Variants in KIF26B observed in about 807,000 individuals in gnomAD.
The protein encoded by KIF26B is kinesin-like protein KIF26B.
KIF26B carries 63 observed loss-of-function variants against 151.2 expected under a neutral mutation model. The ratio of observed to expected loss-of-function variants is 0.42; its 90% CI spans 0.34 to 0.51. KIF26B has a LOEUF of 0.51. Among genes scored for constraint, KIF26B ranks in the 20% least tolerant of loss-of-function variants. The pLI is 0.07. For missense variants in KIF26B, 2,813 were observed against 2,913.6 expected, an observed-to-expected ratio of 0.97 and a Z score of 0.79; for synonymous variants, 1,357 against 1,262.1, an observed-to-expected ratio of 1.08 and a Z score of -1.59.
At chr1:245,576,388 T>C (rs1194848711) in intron 5 of KIF26B, among the ~76,000 whole-genome samples, 1 of 152,198 alleles carries the variant, frequency 6.6e-6, no homozygotes, top group African/African-American at 2.4e-5. Flanking sequence ...TCATATTTGC[T>C]ATCAGTTGTG....
In KIF26B at chr1:245,500,223, C is replaced by T. The variant is rs562328208; in HGVS notation, c.1167-40544C>T. On this transcript the variant is annotated intron_variant, in intron 4 of 14. Coordinates refer to ENST00000407071, the MANE Select transcript of KIF26B (RefSeq NM_018012.4). ...AAAAGAAAGCCATTTCATCAGGGCA[C>T]TGACCTCATTCCTGTAAGCTTGACT... 1.2e-4 allele frequency among the ~76,000 whole-genome samples: 18 copies of T among 152,352 alleles called. No individual in the cohort carries two copies. In the South Asian group the frequency reaches 2.9e-3, roughly 25 times the overall value.
intron 10 of KIF26B, among the ~76,000 whole-genome samples, chr1:245,656,500 A>G (rs147949133): frequency 1.5e-3 from 227 of 152,328 alleles, no homozygotes; most frequent in African/African-American, 5.1e-3. Flanking sequence ...ACTAACCATC[A>G]TATCACAAGT....
intron 2 of KIF26B, among the ~76,000 whole-genome samples, chr1:245,164,046 A>C (rs889988685): frequency 1.3e-5 from 2 of 152,164 alleles, no homozygotes; most frequent in Admixed American, 1.3e-4. Context: ...TATAGTGGGC[A>C]TGTGTATATA....
In KIF26B at chr1:245,685,673, A is replaced by G. The variant is rs1476234476; in HGVS notation, c.2690A>G (p.Gln897Arg). Reference sequence around the variant, plus strand: ...TTTGTCCCTATCGTGCCAGCCCTGCAGAAGACCCGGGGCGACAGCCGGCCC... The same window carrying G: ...TTTGTCCCTATCGTGCCAGCCCTGCGGAAGACCCGGGGCGACAGCCGGCCC... ...PDFVPIVPAL[Q>R]KTRGDSRPAE... Residue 897 changes from glutamine to arginine, a missense_variant, in exon 12 of 15, where the codon CAG (glutamine) becomes CGG (arginine). Around this residue, in one of 3 missense-constraint regions of KIF26B, gnomAD observed 2,060 missense variants for 2,088.6 expected, o/e 0.99. Coordinates refer to ENST00000407071, the MANE Select transcript of KIF26B (RefSeq NM_018012.4). 1.2e-6 allele frequency: 2 copies of G among 1,613,104 alleles called. No homozygotes were observed. Among genetic ancestry groups the G allele is most frequent in the Non-Finnish European group, 1.7e-6 (2 of 1,179,794 alleles).
At chr1:245,222,958 C>T (rs1304442799) in intron 2 of KIF26B, among the ~76,000 whole-genome samples, 1 of 152,202 alleles carries the variant, frequency 6.6e-6, no homozygotes, top group Non-Finnish European at 1.5e-5. Context: ...TTATCCCTTT[C>T]ACACTTTGTT....
chr1:245,160,489 C>A (rs1668513563), intron 2 of KIF26B, among the ~76,000 whole-genome samples: 1 of 152,112 alleles, frequency 6.6e-6, no homozygotes, highest in South Asian at 2.1e-4. Context: ...TTTGGGCTAG[C>A]CTAGATCATT....
In KIF26B at chr1:245,698,813, TACTC is replaced by T; in HGVS notation, c.6028-71_6028-68del. On this transcript the variant is annotated intron_variant, in intron 13 of 14. Coordinates refer to ENST00000407071, the MANE Select transcript of KIF26B (RefSeq NM_018012.4). This position sits in a 1 kb window ranked among gnomAD's most constrained non-coding sequence, Gnocchi z 4.0. ...AGCCCAGCCTGTTTTCCATCAACGATACTCACAGGTGCTCCTGTGGTGTGGGCTG... is the reference window on the plus strand; with the variant it reads ...AGCCCAGCCTGTTTTCCATCAACGATACAGGTGCTCCTGTGGTGTGGGCTG... The T allele has an allele frequency of 2.0e-6, 3 of 1,520,434 alleles. 1 individual carries two copies. The highest frequency in any genetic ancestry group is 2.7e-6 in the Non-Finnish European group (3 of 1,119,306). The allele number at this position is 1,520,434 out of a possible 1,614,324, so 94.2% of individuals were successfully genotyped here.
At chr1:245,586,540 C>T (rs915305979) in intron 5 of KIF26B, among the ~76,000 whole-genome samples, 2 of 152,152 alleles carry the variant, frequency 1.3e-5, no homozygotes, top group Admixed American at 1.3e-4. Flanking sequence ...TGTCATTCCT[C>T]TATTCTTCCA....
At chr1:245,694,035 C>T (rs897096601) in intron 12 of KIF26B, among the ~76,000 whole-genome samples, 2 of 152,326 alleles carry the variant, frequency 1.3e-5, no homozygotes, top group South Asian at 4.1e-4. Flanking sequence ...GAGTAGGTGG[C>T]GCTGATGCTG....
At chr1:245,612,056 G>T (rs796522872) in intron 9 of KIF26B, 80 bp downstream of exon 9, 7 of 83,262 alleles carry the variant, frequency 8.4e-5, no homozygotes, top group African/African-American at 5.8e-4. Flanking sequence ...CATGACCTTT[G>T]TGTGTGTGTG....
At chr1:245,649,100 G>A (rs1423064066) in intron 10 of KIF26B, among the ~76,000 whole-genome samples, 2 of 152,202 alleles carry the variant, frequency 1.3e-5, no homozygotes, top group Non-Finnish European at 2.9e-5. Context: ...TCACCCCTCA[G>A]TGTCCTAATG....
chr1:245,625,832 T>C (rs939502190), intron 9 of KIF26B, among the ~76,000 whole-genome samples: 3 of 150,186 alleles, frequency 2.0e-5, no homozygotes, highest in Non-Finnish European at 4.4e-5. Flanking sequence ...GCCTCTGGTA[T>C]CTACCATTCT....
rs1231793763 is a variant in KIF26B, at chr1:245,168,329, G to T, written c.465+11646G>T. 2.0e-5 allele frequency among the ~76,000 whole-genome samples: 3 copies of T among 152,242 alleles called. No individual in the cohort carries two copies. The East Asian group carries it at 5.8e-4, about 29-fold the overall frequency. On this transcript the variant is annotated intron_variant, in intron 2 of 14. Coordinates refer to ENST00000407071, the MANE Select transcript of KIF26B (RefSeq NM_018012.4). Reference sequence around the variant, plus strand: ...GGACCGGAAGCCAAGCGGAGGGGCCGGTAGCGCCGTCGTTGCTGATGCTTC... The same window carrying T: ...GGACCGGAAGCCAAGCGGAGGGGCCTGTAGCGCCGTCGTTGCTGATGCTTC...
At chr1:245,486,536 A>G (rs1022615697) in intron 4 of KIF26B, among the ~76,000 whole-genome samples, 2 of 152,242 alleles carry the variant, frequency 1.3e-5, no homozygotes, top group Non-Finnish European at 2.9e-5. Context: ...GAGCTTTTAA[A>G]TACGTAAGAT....
At chr1:245,497,611 C>T (rs538486937) in intron 4 of KIF26B, among the ~76,000 whole-genome samples, 6 of 152,270 alleles carry the variant, frequency 3.9e-5, no homozygotes, top group South Asian at 4.1e-4. Context: ...AAATTTTACA[C>T]GTCAAGCGCT....
intron 2 of KIF26B, among the ~76,000 whole-genome samples, chr1:245,293,535 G>A (rs1156921725): frequency 6.6e-6 from 1 of 151,734 alleles, no homozygotes; most frequent in African/African-American, 2.4e-5. Context: ...AGAGATTCTT[G>A]GGCAAAAGCC....
At chr1:245,546,791 ATAGC>A (rs1661751087) in intron 5 of KIF26B, among the ~76,000 whole-genome samples, 3 of 152,228 alleles carry the variant, frequency 2.0e-5, no homozygotes, top group Non-Finnish European at 4.4e-5. Context: ...ATTCATCACT[ATAGC>A]TAGCCTGATA....
In KIF26B at chr1:245,609,529, G is replaced by C; in HGVS notation, c.1914+1G>C. On this transcript the variant is annotated splice_donor_variant, in intron 8 of 14. Transcript: ENST00000407071. LOFTEE classifies it high-confidence loss of function. The stretch of plus-strand genomic sequence containing the variant: ...TGAGGACCCCATCTGCGGCACGCAG[G>C]TGATTGCTTCTGAAGCCTGGCTCGC... 1 of 1,534,442 alleles carries C rather than the reference G, an allele frequency of 6.5e-7. No individual in the cohort carries two copies.
intron 2 of KIF26B, among the ~76,000 whole-genome samples, chr1:245,336,880 G>A (rs1001454885): frequency 6.6e-6 from 1 of 152,186 alleles, no homozygotes; most frequent in Non-Finnish European, 1.5e-5. Context: ...CCAGATCACA[G>A]GAATGTATTG....
Sources: gnomAD v4.1 joint callset for allele counts (sites outside exome capture counted in the v4.1 genomes callset) on GRCh38, gnomAD v4.1.1 for gene constraint, gnomAD v4.1.1 regional missense constraint, Gnocchi (gnomAD v3.1) non-coding constraint, MANE v1.5 for transcripts, NCBI Gene and HGNC (gene_info 2026-07-23, HGNC 2026-07-21) for gene names.